Variants in PIP4K2B observed in about 807,000 individuals in gnomAD.
The protein encoded by PIP4K2B is phosphatidylinositol-5-phosphate 4-kinase type 2 beta.
A neutral mutation model predicts 42.0 loss-of-function variants in PIP4K2B; 3 were observed. The ratio of observed to expected loss-of-function variants is 0.07; its 90% CI spans 0.03 to 0.18. The LOEUF (loss-of-function observed/expected upper bound fraction) is 0.18. PIP4K2B is among the 10% of genes least tolerant of loss of function. The pLI is 1.00. For synonymous variants in PIP4K2B, 204 were observed against 210.1 expected (o/e 0.97, Z 0.25); for missense variants, 332 against 562.3 (o/e 0.59, Z 4.14).
Position 38,780,576 on chromosome 17 carries a change from T to C in PIP4K2B, c.383A>G (p.Asn128Ser), listed in dbSNP as rs915262204. ...QNSVTRSAPI[N>S]SDSQGRCGTR... The stretch of plus-strand genomic sequence containing the variant: ...GCCACACCGACCCTGGCTGTCACTG[T>C]TGATGGGGGCGCTGCGCGTCACTGA... Residue 128 changes from asparagine to serine, a missense_variant, in exon 4 of 10, where the codon AAC (asparagine) becomes AGC (serine). Asn to Ser is a conservative substitution (Grantham distance 46, BLOSUM62 1). Around this residue, in one of 6 missense-constraint regions of PIP4K2B, gnomAD observed 186 missense variants for 288.4 expected, o/e 0.64. Coordinates refer to ENST00000619039, the MANE Select transcript of PIP4K2B (RefSeq NM_003559.5). 6.2e-7 allele frequency: 1 copy of C among 1,613,182 alleles called. No homozygotes were observed. Among genetic ancestry groups the C allele is most frequent in the East Asian group, 2.2e-5 (1 of 44,830 alleles).
Position 38,768,315 on chromosome 17 carries a change from G to C in PIP4K2B, c.*1376C>G, listed in dbSNP as rs765724493. 6.6e-6 allele frequency: 1 copy of C among 152,342 alleles called. No homozygotes were observed. The highest frequency in any genetic ancestry group is 2.4e-5 in the African/African-American group (1 of 41,454). 9.4% of individuals were successfully genotyped at this position (152,342 alleles called of 1,614,324 possible). ...TCTGAGGGCCTGGGTGGCAGGCTCC[G>C]AAGGCAGGTGGAACACCTGCAGGAA... On this transcript the variant is annotated 3_prime_UTR_variant, in exon 10 of 10. Coordinates refer to ENST00000619039, the MANE Select transcript of PIP4K2B (RefSeq NM_003559.5).
At chr17:38,770,627 A>T (rs947629456) in intron 8 of PIP4K2B, 88 bp from the exon 9 acceptor site, 1 of 775,312 alleles carries the variant, frequency 1.3e-6, no homozygotes. Flanking sequence ...CCCCAGACAC[A>T]AGGCTCAGCT....
Position 38,784,355 on chromosome 17 carries a change from GAT to G in PIP4K2B, c.258-18_258-17del, listed in dbSNP as rs1404101922. On this transcript the variant is annotated splice_polypyrimidine_tract_variant and intron_variant, in intron 2 of 9. Transcript: ENST00000619039. The stretch of plus-strand genomic sequence containing the variant: ...CAGGTTCTCCCTAGGGAAAAGCAGA[GAT>G]ATGTCTTTGTGAACTGCCCCTTGCT... The G allele has an allele frequency of 7.4e-6, 11 of 1,485,508 alleles. No individual in the cohort carries two copies. The Admixed American group carries it at 1.2e-4, about 16-fold the overall frequency. The allele number at this position is 1,485,508 out of a possible 1,614,324, so 92.0% of individuals were successfully genotyped here. A position where few individuals can be genotyped will look rare whatever the true frequency, so the allele number is the denominator to read the frequency against.
Position 38,777,760 on chromosome 17 carries a change from T to C in PIP4K2B, c.734A>G (p.Asn245Ser). Residue 245 changes from asparagine (N) to serine (S), a missense_variant, in exon 7 of 10, where the codon AAT becomes AGT. By Grantham distance (46) the Asn-to-Ser change is conservative (BLOSUM62 1). Around this residue, in one of 6 missense-constraint regions of PIP4K2B, gnomAD observed 16 missense variants for 57.0 expected, o/e 0.28. Coordinates refer to ENST00000619039, the MANE Select transcript of PIP4K2B (RefSeq NM_003559.5). ...LPTFKDNDFL[N>S]EGQKLHVGEE... is the part of the protein sequence containing the mutation. ...TCCCACATGCAGCTTCTGCCCTTCA[T>C]TGAGGAAGTCATTGTCTTTGAATGT... The C allele has an allele frequency of 2.5e-6, 4 of 1,614,170 alleles. No individual in the cohort carries two copies. Among genetic ancestry groups the C allele is most frequent in the South Asian group, 2.2e-5 (2 of 91,088 alleles).
intron 3 of PIP4K2B, among the ~76,000 whole-genome samples, chr17:38,781,472 G>A (rs547619775): frequency 6.6e-6 from 1 of 152,288 alleles, no homozygotes; most frequent in South Asian, 2.1e-4. Flanking sequence ...TCATGTCACA[G>A]AAATGTCTCC....
In PIP4K2B at chr17:38,799,523, TCC is replaced by T. The variant is rs1910849202; in HGVS notation, c.-101_-100del. ...CCCCCGGACCGATCCCCACCCCCGCTCCCTCACCGCGCCATGGTCGCGCCCGT... is the reference window on the plus strand; with the variant it reads ...CCCCCGGACCGATCCCCACCCCCGCTCTCACCGCGCCATGGTCGCGCCCGT... On this transcript the variant is annotated 5_prime_UTR_variant, in exon 1 of 10. Transcript: ENST00000619039. This position sits in a 1 kb window ranked among gnomAD's most constrained non-coding sequence, Gnocchi z 4.4. 6.3e-6 allele frequency: 8 copies of T among 1,279,832 alleles called. No individual in the cohort carries two copies. Among genetic ancestry groups the T allele is most frequent in the Non-Finnish European group, 7.9e-6 (8 of 1,018,878 alleles). 79.3% of individuals were successfully genotyped at this position (1,279,832 alleles called of 1,614,324 possible).
intron 1 of PIP4K2B, among the ~76,000 whole-genome samples, chr17:38,795,339 G>A (rs529801516): frequency 4.3e-4 from 65 of 152,246 alleles, no homozygotes; most frequent in Non-Finnish European, 6.8e-4. Context: ...TGGGGATGTG[G>A]CTCATGCCTG....
intron 1 of PIP4K2B, among the ~76,000 whole-genome samples, chr17:38,791,333 C>T (rs982502566): frequency 6.6e-6 from 1 of 151,690 alleles, no homozygotes; most frequent in Non-Finnish European, 1.5e-5. Context: ...GGCTGCTCCT[C>T]TCAACCTCAG....
Position 38,771,110 on chromosome 17 carries a change from G to C in PIP4K2B, c.970C>G (p.Pro324Ala). The part of the protein sequence containing the change: ...GNLLCSYGTP[P>A]DSPGNLLSFP... Reference sequence around the variant, plus strand: ...CTGAGGAGGTTGCCAGGGCTGTCCGGAGGTGTGCCATAGGAGCAGAGTAGG... The same window carrying C: ...CTGAGGAGGTTGCCAGGGCTGTCCGCAGGTGTGCCATAGGAGCAGAGTAGG... Residue 324 changes from proline (P) to alanine (A), a missense_variant, in exon 8 of 10, where the codon CCG (proline) becomes GCG (alanine). Transcript: ENST00000619039. 1 of 1,614,134 alleles carries C rather than the reference G, an allele frequency of 6.2e-7. No homozygotes were observed. Among genetic ancestry groups the C allele is most frequent in the Non-Finnish European group, 8.5e-7 (1 of 1,180,016 alleles).
rs1265958713 is a variant in PIP4K2B at position 38,779,325 on chromosome 17, C to T, written c.654+58G>A. 9 of 1,479,548 alleles carry T rather than the reference C, an allele frequency of 6.1e-6. No individual in the cohort carries two copies. The African/African-American group carries it at 8.4e-5, about 14-fold the overall frequency. 91.7% of individuals were successfully genotyped at this position (1,479,548 alleles called of 1,614,324 possible). ...AATTACATGGAAGTTGGAGTAGTGG[C>T]CCCTTCGGGGCTCAGATAGAGGGGA... On this transcript the variant is annotated intron_variant, in intron 5 of 9. Coordinates refer to ENST00000619039, the MANE Select transcript of PIP4K2B (RefSeq NM_003559.5).
intron 1 of PIP4K2B, among the ~76,000 whole-genome samples, chr17:38,795,956 T>C (rs1040174308): frequency 6.6e-6 from 1 of 151,876 alleles, no homozygotes; most frequent in Non-Finnish European, 1.5e-5. Flanking sequence ...CTGGCCGACA[T>C]GGTGAAACCT....
intron 1 of PIP4K2B, among the ~76,000 whole-genome samples, chr17:38,796,063 G>A (rs370861941): frequency 2.0e-5 from 3 of 151,852 alleles, no homozygotes; most frequent in African/African-American, 7.3e-5. Flanking sequence ...GCTTGAACCC[G>A]GGAGGTGGAG....
intron 7 of PIP4K2B, among the ~76,000 whole-genome samples, chr17:38,776,888 G>C (rs941967157): frequency 1.3e-5 from 2 of 152,122 alleles, no homozygotes; most frequent in Non-Finnish European, 2.9e-5. Flanking sequence ...AGCCAGAGAA[G>C]AACCTGATTA....
rs228285 is a variant in PIP4K2B at position 38,766,257 on chromosome 17, G to A, written c.*3434C>T. On this transcript the variant is annotated 3_prime_UTR_variant, in exon 10 of 10. Coordinates refer to ENST00000619039, the MANE Select transcript of PIP4K2B (RefSeq NM_003559.5). Reference sequence around the variant, plus strand: ...GACCTCCTGCCCGCATGACTGCCAGGAAGAGATGAGGCTCCTAGACTTGGG... The same window carrying A: ...GACCTCCTGCCCGCATGACTGCCAGAAAGAGATGAGGCTCCTAGACTTGGG... The A allele has an allele frequency of 0.3, 46,391 of 152,362 alleles. 7,875 individuals are homozygous for A. The highest frequency in any genetic ancestry group is 0.45 in the South Asian group (2,174 of 4,820). 9.4% of individuals were successfully genotyped at this position (152,362 alleles called of 1,614,324 possible).
At chr17:38,795,154 G>C (rs1910587521) in intron 1 of PIP4K2B, among the ~76,000 whole-genome samples, 1 of 145,488 alleles carries the variant, frequency 6.9e-6, no homozygotes, top group Non-Finnish European at 1.5e-5. Context: ...TCAATGAATA[G>C]GATAAAATAT....
chr17:38,785,910 T>G (rs940299934), intron 2 of PIP4K2B, among the ~76,000 whole-genome samples: 1 of 152,154 alleles, frequency 6.6e-6, no homozygotes, highest in East Asian at 1.9e-4. Flanking sequence ...AGAACAACCT[T>G]CTTTCTGGTC....
Position 38,799,282 on chromosome 17 carries a change from C to G in PIP4K2B, c.143G>C (p.Trp48Ser). Residue 48 changes from tryptophan to serine, a missense_variant, in exon 1 of 10, where the codon TGG becomes TCG. Around this residue, in one of 6 missense-constraint regions of PIP4K2B, gnomAD observed 186 missense variants for 288.4 expected, o/e 0.64. Transcript: ENST00000619039. This position sits in a 1 kb window ranked among gnomAD's most constrained non-coding sequence, Gnocchi z 4.4. ...ASEPILSVLM[W>S]GVNHTINELS... Reference sequence around the variant, plus strand: ...GCTGGTTACCGTGTGGTTCACCCCCCACATCAGGACGCTGAGGATCGGCTC... The same window carrying G: ...GCTGGTTACCGTGTGGTTCACCCCCGACATCAGGACGCTGAGGATCGGCTC... 1.9e-6 allele frequency: 3 copies of G among 1,603,808 alleles called. No individual in the cohort carries two copies. Among genetic ancestry groups the G allele is most frequent in the South Asian group, 1.1e-5 (1 of 90,104 alleles).
chr17:38,777,880 C>T, intron 6 of PIP4K2B, 80 bp from the exon 7 acceptor site: 1 of 990,480 alleles, frequency 1.0e-6, no homozygotes, highest in Non-Finnish European at 1.6e-6. Flanking sequence ...CCGGGAGCAA[C>T]TATACAGAAA....
intron 2 of PIP4K2B, 36 bp from the exon 3 acceptor site, chr17:38,784,375 C>T: frequency 9.0e-7 from 1 of 1,105,806 alleles, no homozygotes; most frequent in Middle Eastern, 2.2e-4. Context: ...TGTGAACTGC[C>T]CCTTGCTCAT....
Sources: allele counts gnomAD v4.1 joint callset (sites outside exome capture counted in the v4.1 genomes callset), GRCh38; gene constraint gnomAD v4.1.1; regional missense constraint gnomAD v4.1.1; non-coding constraint Gnocchi (gnomAD v3.1); transcripts MANE v1.5; gene names NCBI Gene and HGNC (gene_info 2026-07-23, HGNC 2026-07-21).